Variants in ARSF observed in about 807,000 individuals in gnomAD.
The protein encoded by ARSF is arylsulfatase F.
Under a neutral mutation model 35.4 loss-of-function variants are expected in ARSF, and 33 were observed. The ratio of observed to expected loss-of-function variants is 0.93; its 90% CI spans 0.71 to 1.25. ARSF has a LOEUF of 1.25. Among genes scored for constraint, ARSF ranks in the 50% most tolerant of loss-of-function variants. The pLI, the probability that ARSF is intolerant of heterozygous loss-of-function variation, is 0.00. For synonymous variants in ARSF, 222 were observed against 193.1 expected (o/e 1.15, Z -1.24); for missense variants, 501 against 480.2 (o/e 1.04, Z -0.40).
At chrX:3,053,689 C>G (rs1013134679) in intron 1 of ARSF, among the ~76,000 whole-genome samples, 3 of 109,483 alleles carry the variant, frequency 2.7e-5, no homozygotes, top group Non-Finnish European at 5.7e-5. Context: ...CAACCTCCAC[C>G]TCCTGAGTTC....
Position 3,071,643 on chromosome X carries a change from G to T in ARSF, c.12-383G>T, listed in dbSNP as rs111766703. ...TATATAATGCCTTCTTTTCCTCTGG[G>T]TAGATACCCAGGAGTGGGATTGCTG... is the stretch of plus-strand genomic sequence containing the variant. On this transcript the variant is annotated intron_variant, in intron 2 of 10. Coordinates refer to ENST00000381127, the MANE Select transcript of ARSF (RefSeq NM_001201539.2). Among the ~76,000 whole-genome samples the T allele has an allele frequency of 8.7e-3, 958 of 110,642 alleles. 8 individuals carry two copies. The highest frequency in any genetic ancestry group is 0.03 in the African/African-American group (902 of 30,423).
chrX:3,095,869 C>T (rs2090335105), intron 7 of ARSF, among the ~76,000 whole-genome samples: 1 of 108,900 alleles, frequency 9.2e-6, no homozygotes, highest in Non-Finnish European at 1.9e-5. Context: ...TCTAGTATTA[C>T]CTAACTATAT....
chrX:3,073,129 C>T (rs1297183888), intron 3 of ARSF, among the ~76,000 whole-genome samples: 1 of 94,615 alleles, frequency 1.1e-5, no homozygotes, highest in Non-Finnish European at 2.0e-5. Flanking sequence ...AATATATATT[C>T]ATTTTATATA....
intron 9 of ARSF, among the ~76,000 whole-genome samples, chrX:3,106,999 T>C (rs1403331224): frequency 8.9e-6 from 1 of 112,174 alleles, no homozygotes; most frequent in African/African-American, 3.2e-5. Flanking sequence ...ACACACATCC[T>C]TTTGTATATA....
At chrX:3,088,361 T>A (rs1021121977) in intron 6 of ARSF, among the ~76,000 whole-genome samples, 2 of 110,846 alleles carry the variant, frequency 1.8e-5, no homozygotes. Flanking sequence ...ATATGGGAGG[T>A]CCGTGTTGGC....
chrX:3,094,320 G>A (rs2090324908), intron 7 of ARSF, among the ~76,000 whole-genome samples: 1 of 111,889 alleles, frequency 8.9e-6, no homozygotes, highest in Admixed American at 9.5e-5. Context: ...GTTGAATGAT[G>A]AGGAAGGAGA....
chrX:3,054,890 C>T lies in ARSF; in HGVS notation c.-28-13183C>T, dbSNP rs144585057. ...CTAGGATTACAGGCATGTGCCACTA[C>T]GCCTGGCTAATATTTTTTGTATTTA... On this transcript the variant is annotated intron_variant, in intron 1 of 10. Coordinates refer to ENST00000381127, the MANE Select transcript of ARSF (RefSeq NM_001201539.2). Among the ~76,000 whole-genome samples, 159 of 108,062 alleles carry T rather than the reference C, an allele frequency of 1.5e-3. 1 individual carries two copies. The South Asian group carries it at 0.02, about 13-fold the overall frequency. 93.8% of individuals were successfully genotyped at this position (108,062 alleles called of 115,157 possible).
At chrX:3,054,738 CTTT>C (rs767658220) in intron 1 of ARSF, among the ~76,000 whole-genome samples, 2 of 99,325 alleles carry the variant, frequency 2.0e-5, no homozygotes. Flanking sequence ...AAACTGCTCT[CTTT>C]TTTTTTTTTT....
intron 2 of ARSF, 78 bp downstream of exon 2, chrX:3,068,189 T>C (rs1369336799): frequency 7.2e-6 from 7 of 970,952 alleles, no homozygotes; most frequent in Non-Finnish European, 8.4e-6. Flanking sequence ...TCCAGCCTTA[T>C]AGGTAGAGGC....
chrX:3,093,103 T>C (rs754438896), intron 7 of ARSF, among the ~76,000 whole-genome samples: 4 of 110,852 alleles, frequency 3.6e-5, no homozygotes, highest in South Asian at 3.9e-4. Context: ...GAGGCAGAGC[T>C]TGCAGTGGCC....
chrX:3,065,251 C>T (rs1357242127), intron 1 of ARSF, among the ~76,000 whole-genome samples: 1 of 85,271 alleles, frequency 1.2e-5, no homozygotes, highest in Non-Finnish European at 2.1e-5. Context: ...CACTTGGACA[C>T]AGGGTGGGGG....
intron 1 of ARSF, among the ~76,000 whole-genome samples, chrX:3,050,342 G>A (rs1238672383): frequency 1.8e-5 from 2 of 109,367 alleles, no homozygotes; most frequent in African/African-American, 3.3e-5. Flanking sequence ...TCAGGAGTTC[G>A]AGACCAGGCT....
chrX:3,097,939 G>A (rs1011335497), intron 7 of ARSF, among the ~76,000 whole-genome samples: 7 of 109,638 alleles, frequency 6.4e-5, no homozygotes, highest in East Asian at 2.9e-4. Flanking sequence ...TTGAACCTGC[G>A]AAGCGGAGGT....
At chrX:3,093,128 G>A (rs1040112166) in intron 7 of ARSF, among the ~76,000 whole-genome samples, 5 of 111,667 alleles carry the variant, frequency 4.5e-5, no homozygotes, top group Admixed American at 9.4e-5. Context: ...TCGCGCCACT[G>A]CACTCCAGCC....
upstream of ARSF, among the ~76,000 whole-genome samples, chrX:3,040,791 A>C (rs963569910): frequency 5.4e-5 from 6 of 110,565 alleles, no homozygotes; most frequent in African/African-American, 2.0e-4. Context: ...AGAGCTGATC[A>C]CTTGCTATGT....
intron 7 of ARSF, among the ~76,000 whole-genome samples, chrX:3,090,373 T>C (rs1654846541): frequency 8.9e-6 from 1 of 111,827 alleles, no homozygotes; most frequent in African/African-American, 3.2e-5. Context: ...CTAAAATCTA[T>C]TTAACAAAAG....
rs267606429 is a variant in ARSF at position 3,084,590 on chromosome X, G to A, written c.754G>A (p.Glu252Lys). 3 of 1,208,332 alleles carry A rather than the reference G, an allele frequency of 2.5e-6. No individual in the cohort carries two copies. The highest frequency in any genetic ancestry group is 1.8e-5 in the African/African-American group (1 of 57,126). ...YWDCLLMRGH[E>K]ITEQPMKAER... ...GGACTGCCTCCTCATGCGGGGGCACGAGATCACGGAGCAGCCCATGAAGGC... is the reference window on the plus strand; with the variant it reads ...GGACTGCCTCCTCATGCGGGGGCACAAGATCACGGAGCAGCCCATGAAGGC... The change falls in exon 6 of 11, where the codon GAG (glutamate) becomes AAG (lysine). Residue 252 changes from glutamate to lysine, a missense_variant. Transcript: ENST00000381127.
intron 1 of ARSF, among the ~76,000 whole-genome samples, chrX:3,055,589 C>G (rs189924659): frequency 0.059 from 6,568 of 111,131 alleles, 255 homozygotes; most frequent in African/African-American, 0.14. Flanking sequence ...TACTAGCCGT[C>G]ATAGCACATG....
At chrX:3,060,650 A>C (rs2090038059) in intron 1 of ARSF, among the ~76,000 whole-genome samples, 1 of 112,049 alleles carries the variant, frequency 8.9e-6, no homozygotes, top group Non-Finnish European at 1.9e-5. Context: ...CCACAGCATA[A>C]GAGCTACGTG....
Sources: allele counts gnomAD v4.1 joint callset (sites outside exome capture counted in the v4.1 genomes callset), GRCh38; gene constraint gnomAD v4.1.1; transcripts MANE v1.5; gene names NCBI Gene and HGNC (gene_info 2026-07-23, HGNC 2026-07-21).